The following SLCO4C1 variants were observed in gnomAD, a reference collection of about 807,000 sequenced individuals.
The protein encoded by SLCO4C1 is solute carrier organic anion transporter family member 4C1.
Under a neutral mutation model 72.1 loss-of-function variants are expected in SLCO4C1, and 58 were observed. That is an observed-to-expected ratio of 0.80 (90% CI 0.65 to 1.00). The LOEUF (loss-of-function observed/expected upper bound fraction) is 1.00. Ranked by LOEUF, SLCO4C1 falls within the 50% of genes least tolerant of loss-of-function variation. SLCO4C1 has a pLI of 0.00. For missense variants in SLCO4C1, 898 were observed against 857.9 expected, an observed-to-expected ratio of 1.05 and a Z score of -0.58; for synonymous variants, 297 against 312.5, an observed-to-expected ratio of 0.95 and a Z score of 0.52.
At chr5:102,268,143 T>C (rs999296406) in intron 3 of SLCO4C1, among the ~76,000 whole-genome samples, 6 of 152,246 alleles carry the variant, frequency 3.9e-5, no homozygotes, top group Non-Finnish European at 7.4e-5. Flanking sequence ...TATTATTCAC[T>C]GATTTTCTGC....
chr5:102,261,037 A>T lies in SLCO4C1; in HGVS notation c.1022-718T>A, dbSNP rs182847349. On this transcript the variant is annotated intron_variant, in intron 5 of 12. Coordinates refer to ENST00000310954, the MANE Select transcript of SLCO4C1 (RefSeq NM_180991.5). ...AAATACTTCTACAGATATGAATTTT[A>T]ACTACATGATTTTACAGAAGCAAGA... 6.0e-4 allele frequency among the ~76,000 whole-genome samples: 91 copies of T among 152,336 alleles called. 1 individual carries two copies. The highest frequency in any genetic ancestry group is 2.0e-3 in the African/African-American group (85 of 41,588).
chr5:102,264,149 T>C (rs954469332), intron 3 of SLCO4C1, among the ~76,000 whole-genome samples: 9 of 152,076 alleles, frequency 5.9e-5, no homozygotes, highest in African/African-American at 1.9e-4. Context: ...ACAAGAAGTC[T>C]TTTCTACTCT....
chr5:102,244,002 C>A (rs1319871272), intron 10 of SLCO4C1, among the ~76,000 whole-genome samples: 3 of 152,114 alleles, frequency 2.0e-5, no homozygotes, highest in Admixed American at 6.6e-5. Context: ...GCCTGGCCAA[C>A]ATAGTGAAAC....
At chr5:102,260,471 C>T (rs1454410569) in intron 5 of SLCO4C1, 152 bp from the exon 6 acceptor site, 1 of 187,314 alleles carries the variant, frequency 5.3e-6, no homozygotes, top group African/African-American at 2.4e-5. Flanking sequence ...ACACATACTT[C>T]CACTAGTATA....
At chr5:102,260,449 AC>A (rs1347731331) in intron 5 of SLCO4C1, 130 bp from the exon 6 acceptor site, 1 of 199,856 alleles carries the variant, frequency 5.0e-6, no homozygotes, top group African/African-American at 2.4e-5. Flanking sequence ...AAAAGTGCTT[AC>A]TTTTTAACCG....
At position 102,249,649 on chromosome 5, in the gene SLCO4C1, T is replaced by C; in HGVS notation, c.1609A>G (p.Arg537Gly). 1.2e-6 allele frequency: 2 copies of C among 1,613,650 alleles called. No individual in the cohort carries two copies. Among genetic ancestry groups the C allele is most frequent in the Non-Finnish European group, 8.5e-7 (1 of 1,179,858 alleles). ...FAGCSNPVAH[R>G]KPKVYYNCSC... ...GAGACATAAGCTACCTTTGGCTTCC[T>C]GTGTGCAACTGGGTTTGAACAGCCT... is the stretch of plus-strand genomic sequence containing the variant. Residue 537 changes from arginine (R) to glycine (G), a missense_variant, in exon 9 of 13, where the codon AGG becomes GGG. By Grantham distance (125) the Arg-to-Gly change is moderately radical. Coordinates refer to ENST00000310954, the MANE Select transcript of SLCO4C1 (RefSeq NM_180991.5).
rs111620530 is a variant in SLCO4C1, at chr5:102,295,266, A to G, written c.355+642T>C. Among the ~76,000 whole-genome samples, 645 of 152,328 alleles carry G rather than the reference A, an allele frequency of 4.2e-3. 3 individuals carry two copies. The highest frequency in any genetic ancestry group is 0.015 in the African/African-American group (606 of 41,562). On this transcript the variant is annotated intron_variant, in intron 1 of 12. Transcript: ENST00000310954. ...CAAGAGAACCTAAAAGAGATCCTAGAACAAAACAGATGCTGGATAACTAAT... is the reference window on the plus strand; with the variant it reads ...CAAGAGAACCTAAAAGAGATCCTAGGACAAAACAGATGCTGGATAACTAAT...
Position 102,270,624 on chromosome 5 carries a change from C to G in SLCO4C1, c.802G>C (p.Gly268Arg), listed in dbSNP as rs1393262770. 6.2e-7 allele frequency: 1 copy of G among 1,602,538 alleles called. No homozygotes were observed. Among genetic ancestry groups the G allele is most frequent in the African/African-American group, 1.3e-5 (1 of 74,244 alleles). ...VPTHKSSLYI[G>R]TGYAMSILGP... ...GAGACAGTTTAGAGAGTAAACTTAC[C>G]TATATAGAGAGAAGACTTGTGTGTG... Residue 268 changes from glycine to arginine, a missense_variant and splice_region_variant, in exon 3 of 13, where the codon GGA (glycine) becomes CGA (arginine). Physicochemically the swap from Gly to Arg is moderately radical, Grantham distance 125. Coordinates refer to ENST00000310954, the MANE Select transcript of SLCO4C1 (RefSeq NM_180991.5).
Position 102,291,612 on chromosome 5 carries a change from A to C in SLCO4C1, c.356-6T>G. 3.1e-6 allele frequency: 5 copies of C among 1,595,394 alleles called. No homozygotes were observed. The highest frequency in any genetic ancestry group is 4.3e-6 in the Non-Finnish European group (5 of 1,170,578). On this transcript the variant is annotated splice_region_variant and splice_polypyrimidine_tract_variant and intron_variant, in intron 1 of 12. Transcript: ENST00000310954. ...TAGGCCATTAACTACAATACCTAAA[A>C]AACAGAAAAGTTGATGTGCATCATT...
At chr5:102,291,999 C>T (rs1749565853) in intron 1 of SLCO4C1, among the ~76,000 whole-genome samples, 1 of 151,638 alleles carries the variant, frequency 6.6e-6, no homozygotes, top group Admixed American at 6.6e-5. Context: ...TTTTTTGTAT[C>T]TTGTTAGTAG....
At chr5:102,268,615 T>TCAC (rs1749090099) in intron 3 of SLCO4C1, among the ~76,000 whole-genome samples, 1 of 152,188 alleles carries the variant, frequency 6.6e-6, no homozygotes, top group Admixed American at 6.6e-5. Context: ...TTATCATTGA[T>TCAC]AATTGTTTTC....
chr5:102,257,067 A>G, intron 8 of SLCO4C1, 48 bp downstream of exon 8: 1 of 1,309,808 alleles, frequency 7.6e-7, no homozygotes, highest in Non-Finnish European at 1.0e-6. Context: ...GGAAATGCTT[A>G]GTCTATTATT....
At chr5:102,249,505 G>A (rs10067502) in intron 9 of SLCO4C1, 133 bp downstream of exon 9, 83,748 of 813,436 alleles carry the variant, frequency 0.1, 4,973 homozygotes, top group African/African-American at 0.16. Flanking sequence ...TTCAGCTGGA[G>A]ACATCATGGG....
chr5:102,281,268 A>G (rs138436316), intron 2 of SLCO4C1, among the ~76,000 whole-genome samples: 1 of 152,242 alleles, frequency 6.6e-6, no homozygotes, highest in East Asian at 1.9e-4. Context: ...CAAACTTTAA[A>G]CCTCACATCT....
intron 2 of SLCO4C1, among the ~76,000 whole-genome samples, chr5:102,279,790 G>A (rs1051939431): frequency 6.6e-6 from 1 of 151,872 alleles, no homozygotes; most frequent in African/African-American, 2.4e-5. Context: ...GTTAACTACT[G>A]TATTAACAGA....
At chr5:102,294,451 T>G (rs750070721) in intron 1 of SLCO4C1, among the ~76,000 whole-genome samples, 1 of 152,200 alleles carries the variant, frequency 6.6e-6, no homozygotes, top group African/African-American at 2.4e-5. Flanking sequence ...ACAATTACAT[T>G]TGATAACAAT....
Position 102,260,330 on chromosome 5 carries a change from A to ATAT in SLCO4C1, c.1022-12_1022-11insATA. ...GAATTTCTGCTGTACCTAAAAAAAA[A>ATAT]ATATATATATATATATAATATATAT... is the stretch of plus-strand genomic sequence containing the variant. On this transcript the variant is annotated splice_polypyrimidine_tract_variant and intron_variant, in intron 5 of 12. Coordinates refer to ENST00000310954, the MANE Select transcript of SLCO4C1 (RefSeq NM_180991.5). 2.0e-5 allele frequency: 1 copy of ATAT among 49,582 alleles called. No individual in the cohort carries two copies. Among genetic ancestry groups the ATAT allele is most frequent in the Non-Finnish European group, 3.4e-5 (1 of 29,674 alleles). The allele number at this position is 49,582 out of a possible 1,614,324, so 3.1% of individuals were successfully genotyped here. A position where few individuals can be genotyped will look rare whatever the true frequency, so the allele number is the denominator to read the frequency against.
At chr5:102,238,217 G>A (rs1005170810) in intron 12 of SLCO4C1, among the ~76,000 whole-genome samples, 2 of 151,892 alleles carry the variant, frequency 1.3e-5, no homozygotes, top group Admixed American at 6.6e-5. Context: ...CATTGACTAG[G>A]AAAATGAATG....
At chr5:102,252,283 C>T (rs972940374) in intron 8 of SLCO4C1, among the ~76,000 whole-genome samples, 1 of 151,970 alleles carries the variant, frequency 6.6e-6, no homozygotes, top group Non-Finnish European at 1.5e-5. Flanking sequence ...TGATGACATA[C>T]AAAGTAGGCG....
Sources: allele counts gnomAD v4.1 joint callset (sites outside exome capture counted in the v4.1 genomes callset), GRCh38; gene constraint gnomAD v4.1.1; transcripts MANE v1.5; gene names NCBI Gene and HGNC (gene_info 2026-07-23, HGNC 2026-07-21).